KCND3: variants seen among roughly 807,000 people sequenced by gnomAD.
KCND3 encodes the protein A-type voltage-gated potassium channel KCND3.
In KCND3, 9 loss-of-function variants were observed where a neutral mutation model predicts 51.1. The ratio of observed to expected loss-of-function variants is 0.18; its 90% CI spans 0.11 to 0.31. The LOEUF is 0.31. Ranked by LOEUF, KCND3 falls within the 10% of genes least tolerant of loss-of-function variation. The pLI is 1.00. For missense variants in KCND3, 526 were observed against 903.8 expected, an observed-to-expected ratio of 0.58 and a Z score of 5.36; for synonymous variants, 349 against 368.0, an observed-to-expected ratio of 0.95 and a Z score of 0.59.
intron 2 of KCND3, among the ~76,000 whole-genome samples, chr1:111,798,029 G>A (rs1185486123): frequency 2.0e-5 from 3 of 152,204 alleles, no homozygotes; most frequent in Non-Finnish European, 2.9e-5. Context: ...AGAGAGGACA[G>A]ATAGGTACTT....
At chr1:111,817,187 A>AT (rs1666136313) in intron 2 of KCND3, among the ~76,000 whole-genome samples, 1 of 147,896 alleles carries the variant, frequency 6.8e-6, no homozygotes, top group African/African-American at 2.6e-5. Flanking sequence ...CTAGTTACTA[A>AT]AAAAAAAAAA....
At chr1:111,977,600 C>A (rs915662363) in intron 2 of KCND3, among the ~76,000 whole-genome samples, 67 of 152,118 alleles carry the variant, frequency 4.4e-4, no homozygotes, top group African/African-American at 1.6e-3. Flanking sequence ...TGCTCTGAAC[C>A]CTTCCCTAGG....
chr1:111,936,168 C>T (rs1672208237), intron 2 of KCND3, among the ~76,000 whole-genome samples: 1 of 152,108 alleles, frequency 6.6e-6, no homozygotes. Flanking sequence ...ATGGAGAGAC[C>T]CCAAGTTTGA....
At chr1:111,908,353 C>A (rs1028220979) in intron 2 of KCND3, among the ~76,000 whole-genome samples, 1 of 152,198 alleles carries the variant, frequency 6.6e-6, no homozygotes, top group Non-Finnish European at 1.5e-5. Context: ...AAAATAACAG[C>A]AAACCCTTTT....
intron 2 of KCND3, among the ~76,000 whole-genome samples, chr1:111,859,713 C>G (rs575029182): frequency 6.6e-6 from 1 of 152,222 alleles, no homozygotes; most frequent in Non-Finnish European, 1.5e-5. Flanking sequence ...GATCCTCCCT[C>G]CACATGCCAT....
intron 2 of KCND3, among the ~76,000 whole-genome samples, chr1:111,970,624 C>A (rs1055520165): frequency 6.6e-5 from 10 of 152,184 alleles, no homozygotes; most frequent in African/African-American, 2.4e-4. Context: ...ACAGGCATTT[C>A]TCTTACTGGA....
At chr1:111,980,124 C>T (rs1345928394) in intron 2 of KCND3, among the ~76,000 whole-genome samples, 3 of 152,134 alleles carry the variant, frequency 2.0e-5, no homozygotes, top group African/African-American at 7.2e-5. Context: ...AAAAAGCCCA[C>T]ATCTGCCACC....
chr1:111,845,540 A>G (rs961917599), intron 2 of KCND3, among the ~76,000 whole-genome samples: 11 of 151,998 alleles, frequency 7.2e-5, no homozygotes, highest in African/African-American at 1.5e-4. Context: ...CCCGCCCCCA[A>G]TACCCCAGGG....
At chr1:111,895,561 G>T (rs1186912897) in intron 2 of KCND3, among the ~76,000 whole-genome samples, 3 of 152,250 alleles carry the variant, frequency 2.0e-5, no homozygotes, top group African/African-American at 7.2e-5. Context: ...CGTCCCCGGG[G>T]AGCTGCATCC....
intron 2 of KCND3, among the ~76,000 whole-genome samples, chr1:111,865,044 A>G (rs1404722097): frequency 1.3e-5 from 2 of 152,216 alleles, no homozygotes; most frequent in Non-Finnish European, 1.5e-5. Flanking sequence ...CGGCAACCCA[A>G]TCTTCATCTT....
At chr1:111,833,048 T>A (rs1420299121) in intron 2 of KCND3, among the ~76,000 whole-genome samples, 1 of 152,260 alleles carries the variant, frequency 6.6e-6, no homozygotes, top group Non-Finnish European at 1.5e-5. Flanking sequence ...TGGTCCCTGG[T>A]TCCTGGTGAC....
At chr1:111,941,770 T>C (rs888591975) in intron 2 of KCND3, among the ~76,000 whole-genome samples, 1 of 152,082 alleles carries the variant, frequency 6.6e-6, no homozygotes, top group African/African-American at 2.4e-5. Flanking sequence ...TGAAATATGG[T>C]CTTTGAATTT....
At chr1:111,934,238 T>C (rs1571869432) in intron 2 of KCND3, among the ~76,000 whole-genome samples, 1 of 152,110 alleles carries the variant, frequency 6.6e-6, no homozygotes, top group Non-Finnish European at 1.5e-5. Context: ...GAGAGCAGAC[T>C]CCCTCCCATC....
chr1:111,776,162 T>A lies in KCND3; in HGVS notation c.1883A>T (p.Glu628Val). ...PTPPALTPEG[E>V]SRPPPASPGP... ...TGGGCTGGCAGGGGGTGGCCGACTT[T>A]CCCCCTCTGGGGTTAGCGCTGGGGG... The change falls in exon 8 of 8, where the codon GAA (glutamate) becomes GTA (valine). Residue 628 changes from glutamate to valine, a missense_variant. Transcript: ENST00000302127. 6.2e-7 allele frequency: 1 copy of A among 1,614,126 alleles called. No homozygotes were observed. Among genetic ancestry groups the A allele is most frequent in the East Asian group, 2.2e-5 (1 of 44,878 alleles).
At position 111,825,957 on chromosome 1, in the gene KCND3, A is replaced by G. The variant is rs186553980; in HGVS notation, c.1107-38851T>C. Among the ~76,000 whole-genome samples the G allele has an allele frequency of 4.9e-4, 74 of 152,242 alleles. 2 individuals are homozygous for G. In the East Asian group the frequency reaches 7.7e-3, roughly 16 times the overall value. On this transcript the variant is annotated intron_variant, in intron 2 of 7. Transcript: ENST00000302127. ...TGTTTGAATGAGACTATTTTGCTGC[A>G]CCCTCACCAGCATTGGGTAGGGTAC...
intron 2 of KCND3, among the ~76,000 whole-genome samples, chr1:111,902,555 G>A (rs1023786090): frequency 6.6e-6 from 1 of 152,170 alleles, no homozygotes; most frequent in African/African-American, 2.4e-5. Context: ...AATGGGAGGG[G>A]TTTGTGAATG....
intron 2 of KCND3, among the ~76,000 whole-genome samples, chr1:111,867,841 G>C (rs1333644547): frequency 2.0e-5 from 3 of 152,192 alleles, no homozygotes; most frequent in Admixed American, 1.3e-4. Context: ...ATAAGACATA[G>C]TGTCTTCATA....
chr1:111,842,857 C>A (rs144391620), intron 2 of KCND3, among the ~76,000 whole-genome samples: 4 of 152,336 alleles, frequency 2.6e-5, no homozygotes, highest in African/African-American at 9.6e-5. Flanking sequence ...CCCACCTCTT[C>A]TGCTTTGGGT....
At position 111,846,962 on chromosome 1, in the gene KCND3, G is replaced by T. The variant is rs549500316; in HGVS notation, c.1107-59856C>A. On this transcript the variant is annotated intron_variant, in intron 2 of 7. Coordinates refer to ENST00000302127, the MANE Select transcript of KCND3 (RefSeq NM_001378969.1). The stretch of plus-strand genomic sequence containing the variant: ...TACTGGGTCTCCCTCACTGGACTGT[G>T]AGCCACCCGAGGGCAGAGACGGCAC... 1.6e-4 allele frequency among the ~76,000 whole-genome samples: 24 copies of T among 152,310 alleles called. No homozygotes were observed. In the South Asian group the frequency reaches 5.0e-3, roughly 32 times the overall value.
Sources: gnomAD v4.1 joint callset for allele counts (sites outside exome capture counted in the v4.1 genomes callset) on GRCh38, gnomAD v4.1.1 for gene constraint, MANE v1.5 for transcripts, NCBI Gene and HGNC (gene_info 2026-07-23, HGNC 2026-07-21) for gene names.